The following NRSN2 variants were observed in gnomAD, a reference collection of about 807,000 sequenced individuals.
NRSN2 encodes the protein neurensin 2.
A neutral mutation model predicts 11.1 loss-of-function variants in NRSN2; 10 were observed. The ratio of observed to expected loss-of-function variants is 0.90; its 90% confidence interval spans 0.56 to 1.53. NRSN2 has a LOEUF of 1.53. NRSN2 is among the 40% of genes most tolerant of loss of function. The probability of loss-of-function intolerance (pLI) is 0.00; values close to 1 mark genes in which losing one functional copy is unlikely to be tolerated. For missense variants in NRSN2, 260 were observed against 273.7 expected (o/e 0.95, Z 0.35); for synonymous variants, 100 against 117.0 (o/e 0.86, Z 0.94).
At chr20:353,185 T>C (rs768865057) in intron 4 of NRSN2, 25 bp from the exon 5 acceptor site, 1 of 1,608,770 alleles carries the variant, frequency 6.2e-7, no homozygotes, top group Non-Finnish European at 8.5e-7. Context: ...CCTGACTGCT[T>C]CCTGGTCTGT....
intron 4 of NRSN2, among the ~76,000 whole-genome samples, chr20:350,477 T>TA (rs553851326): frequency 0.024 from 2,013 of 83,408 alleles, 60 homozygotes; most frequent in African/African-American, 0.058. Context: ...AAACTCCCTC[T>TA]AAAAAAAAAA....
intron 4 of NRSN2, among the ~76,000 whole-genome samples, chr20:351,160 C>T (rs970356745): frequency 6.6e-6 from 1 of 152,186 alleles, no homozygotes; most frequent in African/African-American, 2.4e-5. Flanking sequence ...ACCCGGGAGA[C>T]AGCAGTTGCA....
rs989540023 is a variant in NRSN2, at chr20:347,731, C to T, written c.-122+219C>T. 2.0e-5 allele frequency among the ~76,000 whole-genome samples: 3 copies of T among 152,088 alleles called. No individual in the cohort carries two copies. Among genetic ancestry groups the T allele is most frequent in the Non-Finnish European group, 4.4e-5 (3 of 67,992 alleles). On this transcript the variant is annotated intron_variant, in intron 2 of 4. Transcript: ENST00000382285. This position sits in a 1 kb window ranked among gnomAD's most constrained non-coding sequence, Gnocchi z 7.0. ...CTTCCGTCACTTCCGCCCGTGCCTG[C>T]CGCCCCTCGCCTCCTCCCTCCGCCG...
rs774855230 is a variant in NRSN2, at chr20:353,656, T to G, written c.*21T>G. On this transcript the variant is annotated 3_prime_UTR_variant, in exon 5 of 5. Coordinates refer to ENST00000382285, the MANE Select transcript of NRSN2 (RefSeq NM_001323682.2). ...CCTGAGCTGCCCACATGGCCTAAGA[T>G]GTGGGTCCTGGATCCTTCCCCCCTT... The G allele has an allele frequency of 3.2e-6, 5 of 1,567,370 alleles. No homozygotes were observed. Among genetic ancestry groups the G allele is most frequent in the Non-Finnish European group, 3.4e-6 (4 of 1,165,164 alleles).
rs138456421 is a variant in NRSN2 at position 349,844 on chromosome 20, T to G, written c.189+12T>G. 2.1e-4 allele frequency: 335 copies of G among 1,606,808 alleles called. No homozygotes were observed. In the Middle Eastern group the frequency reaches 3.0e-3, roughly 14 times the overall value. On this transcript the variant is annotated intron_variant, in intron 4 of 4. Coordinates refer to ENST00000382285, the MANE Select transcript of NRSN2 (RefSeq NM_001323682.2). ...CACTGTGTTGGAAGGTAAGGCCAGA[T>G]GAGCACCTCCCATGATTCCTCTGCC...
In NRSN2 at chr20:353,942, C is replaced by G. The variant is rs1248663943; in HGVS notation, c.*307C>G. ...TTCCTCTGCATGACCTTGGGCAAAC[C>G]CTTGCCCTTTCAAGCCATCAGCTCC... On this transcript the variant is annotated 3_prime_UTR_variant, in exon 5 of 5. Transcript: ENST00000382285. 3 of 405,622 alleles carry G rather than the reference C, an allele frequency of 7.4e-6. No homozygotes were observed. The highest frequency in any genetic ancestry group is 6.3e-5 in the African/African-American group (3 of 47,804). The allele number at this position is 405,622 out of a possible 1,614,324, so 25.1% of individuals were successfully genotyped here. A position where few individuals can be genotyped will look rare whatever the true frequency, so the allele number is the denominator to read the frequency against.
chr20:353,318 G>T lies in NRSN2; in HGVS notation c.298G>T (p.Val100Leu), dbSNP rs1182269644. Residue 100 changes from valine (V) to leucine (L), a missense_variant, in exon 5 of 5, where the codon GTG becomes TTG. Transcript: ENST00000382285. ...LEGIGEGEFL[V>L]LDQRAADYNQ... The stretch of plus-strand genomic sequence containing the variant: ...GGGCATCGGTGAGGGTGAGTTCCTG[G>T]TGTTGGATCAGCGGGCAGCCGACTA... 6.2e-7 allele frequency: 1 copy of T among 1,614,060 alleles called. No homozygotes were observed. Among genetic ancestry groups the T allele is most frequent in the South Asian group, 1.1e-5 (1 of 91,082 alleles).
At chr20:350,477 T>TAAAAAAA (rs553851326) in intron 4 of NRSN2, among the ~76,000 whole-genome samples, 1 of 83,462 alleles carries the variant, frequency 1.2e-5, no homozygotes, top group Non-Finnish European at 2.4e-5. Context: ...AAACTCCCTC[T>TAAAAAAA]AAAAAAAAAA....
At chr20:351,694 A>G (rs976761791) in intron 4 of NRSN2, among the ~76,000 whole-genome samples, 4 of 152,262 alleles carry the variant, frequency 2.6e-5, no homozygotes, top group African/African-American at 7.2e-5. Context: ...AAAGATATCA[A>G]ATAACTAAAT....
chr20:353,807 A>C lies in NRSN2; in HGVS notation c.*172A>C. 1.5e-6 allele frequency: 1 copy of C among 645,458 alleles called. No individual in the cohort carries two copies. The highest frequency in any genetic ancestry group is 2.6e-6 in the Non-Finnish European group (1 of 388,036). 40.0% of individuals were successfully genotyped at this position (645,458 alleles called of 1,614,324 possible). ...CTCCCTCCCCAGGAGTGGGGCCCCA[A>C]CTCTTCCAAGATACCAGCATTCCTC... On this transcript the variant is annotated 3_prime_UTR_variant, in exon 5 of 5. Transcript: ENST00000382285.
At position 353,826 on chromosome 20, in the gene NRSN2, A is replaced by G; in HGVS notation, c.*191A>G. On this transcript the variant is annotated 3_prime_UTR_variant, in exon 5 of 5. Transcript: ENST00000382285. ...GCCCCAACTCTTCCAAGATACCAGCATTCCTCAAGTCCTCCCAAAACTTCC... is the reference window on the plus strand; with the variant it reads ...GCCCCAACTCTTCCAAGATACCAGCGTTCCTCAAGTCCTCCCAAAACTTCC... The G allele has an allele frequency of 1.7e-6, 1 of 596,818 alleles. No homozygotes were observed. Among genetic ancestry groups the G allele is most frequent in the Non-Finnish European group, 2.9e-6 (1 of 345,300 alleles). 37.0% of individuals were successfully genotyped at this position (596,818 alleles called of 1,614,324 possible).
rs1568515135 is a variant in NRSN2, at chr20:349,367, C to A, written c.-7+4C>A. ...GCTCCAGAGCCCACAGTCCCAGGTA[C>A]TGGGTGGCCTCCAGAGTAAACATGC... On this transcript the variant is annotated splice_donor_region_variant and intron_variant, in intron 3 of 4. Transcript: ENST00000382285. 2 of 318,670 alleles carry A rather than the reference C, an allele frequency of 6.3e-6. No homozygotes were observed. The highest frequency in any genetic ancestry group is 1.2e-5 in the Non-Finnish European group (2 of 172,778). The allele number at this position is 318,670 out of a possible 1,614,324, so 19.7% of individuals were successfully genotyped here.
At chr20:349,962 A>C in intron 4 of NRSN2, 130 bp downstream of exon 4, 1 of 724,366 alleles carries the variant, frequency 1.4e-6, no homozygotes, top group Non-Finnish European at 2.1e-6. Context: ...AGCAACAGAA[A>C]ACCCAATTCA....
rs573019000 is a variant in NRSN2, at chr20:354,158, T to A, written c.*523T>A. ...CTCACAGTGTGTCTTCTACCTGCAT[T>A]TTGGCATCAGAGCCCCCCAGCCCAC... On this transcript the variant is annotated 3_prime_UTR_variant, in exon 5 of 5. Coordinates refer to ENST00000382285, the MANE Select transcript of NRSN2 (RefSeq NM_001323682.2). 2 of 153,740 alleles carry A rather than the reference T, an allele frequency of 1.3e-5. No individual in the cohort carries two copies. The highest frequency in any genetic ancestry group is 3.8e-4 in the East Asian group (2 of 5,198). The allele number at this position is 153,740 out of a possible 1,614,324, so 9.5% of individuals were successfully genotyped here.
At position 349,722 on chromosome 20, in the gene NRSN2, T is replaced by C. The variant is rs866151676; in HGVS notation, c.79T>C (p.Ser27Pro). 9 of 1,613,350 alleles carry C rather than the reference T, an allele frequency of 5.6e-6. No individual in the cohort carries two copies. The highest frequency in any genetic ancestry group is 4.0e-5 in the African/African-American group (3 of 74,888). ...VEDGKWYGVRSYLHLFYEDCA... is the reference protein window; with the variant it reads ...VEDGKWYGVRPYLHLFYEDCA... The stretch of plus-strand genomic sequence containing the variant: ...GGATGGCAAGTGGTATGGGGTCCGC[T>C]CCTACCTGCACCTCTTCTATGAGGA... Residue 27 changes from serine (S) to proline (P), a missense_variant, in exon 4 of 5, where the codon TCC becomes CCC. Ser to Pro is a moderately conservative substitution (Grantham distance 74, BLOSUM62 -1). Coordinates refer to ENST00000382285, the MANE Select transcript of NRSN2 (RefSeq NM_001323682.2).
Position 353,692 on chromosome 20 carries a change from C to G in NRSN2, c.*57C>G, listed in dbSNP as rs970514744. The G allele has an allele frequency of 3.9e-6, 6 of 1,536,982 alleles. No individual in the cohort carries two copies. Among genetic ancestry groups the G allele is most frequent in the Admixed American group, 2.0e-5 (1 of 50,690 alleles). On this transcript the variant is annotated 3_prime_UTR_variant, in exon 5 of 5. Transcript: ENST00000382285. ...GATCCTTCCCCCCTTCTCACCATAACCCCCTCTCAGTGTTTCCCCAACTTC... is the reference window on the plus strand; with the variant it reads ...GATCCTTCCCCCCTTCTCACCATAAGCCCCTCTCAGTGTTTCCCCAACTTC...
At position 353,564 on chromosome 20, in the gene NRSN2, T is replaced by C; in HGVS notation, c.544T>C (p.Trp182Arg). 1 of 1,614,190 alleles carries C rather than the reference T, an allele frequency of 6.2e-7. No homozygotes were observed. Residue 182 changes from tryptophan (W) to arginine (R), a missense_variant, in exon 5 of 5, where the codon TGG becomes CGG. Coordinates refer to ENST00000382285, the MANE Select transcript of NRSN2 (RefSeq NM_001323682.2). Reference protein sequence around the residue: ...PIFRNASGQSWFSPPASPFGQ... With the variant: ...PIFRNASGQSRFSPPASPFGQ... ...TTTCCGCAATGCCAGTGGCCAGTCA[T>C]GGTTCTCGCCACCCGCCAGCCCCTT...
rs2014145310 is a variant in NRSN2 at position 353,400 on chromosome 20, G to A, written c.380G>A (p.Gly127Glu). 4.3e-6 allele frequency: 7 copies of A among 1,613,842 alleles called. No individual in the cohort carries two copies. In the African/African-American group the frequency reaches 8.0e-5, roughly 18 times the overall value. The change falls in exon 5 of 5, where the codon GGA becomes GAA. Residue 127 changes from glycine (G) to glutamate (E), a missense_variant. Physicochemically the swap from Gly to Glu is moderately conservative, Grantham distance 98. Transcript: ENST00000382285. ...LAGTALCVAA[G>E]VLLAICLFWA... ...GGCACAGCGCTCTGTGTGGCAGCTG[G>A]AGTTCTGCTCGCCATCTGCCTCTTC... is the stretch of plus-strand genomic sequence containing the variant.
rs1225710104 is a variant in NRSN2 at position 353,986 on chromosome 20, G to T, written c.*351G>T. 3 of 302,490 alleles carry T rather than the reference G, an allele frequency of 9.9e-6. No individual in the cohort carries two copies. Among genetic ancestry groups the T allele is most frequent in the Non-Finnish European group, 1.8e-5 (3 of 162,264 alleles). The allele number at this position is 302,490 out of a possible 1,614,324, so 18.7% of individuals were successfully genotyped here. ...CAGCTCCTGCCTCTCTGCCATGAGG[G>T]CTTTGGATCAGATTCCTCTTCTCGC... On this transcript the variant is annotated 3_prime_UTR_variant, in exon 5 of 5. Coordinates refer to ENST00000382285, the MANE Select transcript of NRSN2 (RefSeq NM_001323682.2).
Sources: allele counts gnomAD v4.1 joint callset (sites outside exome capture counted in the v4.1 genomes callset), GRCh38; gene constraint gnomAD v4.1.1; non-coding constraint Gnocchi (gnomAD v3.1); transcripts MANE v1.5; gene names NCBI Gene and HGNC (gene_info 2026-07-23, HGNC 2026-07-21).